ODAD2: variants seen among roughly 807,000 people sequenced by gnomAD.
ODAD2 encodes outer dynein arm docking complex subunit 2.
Under a neutral mutation model 106.8 loss-of-function variants are expected in ODAD2, and 89 were observed. The observed-to-expected ratio is 0.83, with a 90% confidence interval of 0.70 to 0.99. The LOEUF (loss-of-function observed/expected upper bound fraction) is 0.99, where lower values mean the gene tolerates loss of function less well. Among genes scored for constraint, ODAD2 ranks in the 50% least tolerant of loss-of-function variants. The pLI is 0.00. For missense variants in ODAD2, 1,168 were observed against 1,238.5 expected (o/e 0.94, Z 0.85); for synonymous variants, 404 against 436.2 (o/e 0.93, Z 0.92).
intron 17 of ODAD2, among the ~76,000 whole-genome samples, chr10:27,874,749 T>G (rs541316098): frequency 6.6e-6 from 1 of 152,336 alleles, no homozygotes; most frequent in East Asian, 1.9e-4. Flanking sequence ...GGCTTCCCTT[T>G]GTGTGTAACC....
chr10:27,967,357 T>C (rs553352046), intron 9 of ODAD2, among the ~76,000 whole-genome samples: 2 of 152,128 alleles, frequency 1.3e-5, no homozygotes, highest in South Asian at 4.2e-4. Flanking sequence ...GTGATATCAG[T>C]AGAGCCCACT....
At chr10:27,972,956 C>A (rs1848953232) in intron 7 of ODAD2, among the ~76,000 whole-genome samples, 1 of 151,966 alleles carries the variant, frequency 6.6e-6, no homozygotes, top group Non-Finnish European at 1.5e-5. Flanking sequence ...AATACAGTCT[C>A]CTCAAATGTA....
At chr10:27,915,399 C>G (rs1027314327) in intron 16 of ODAD2, among the ~76,000 whole-genome samples, 1 of 152,038 alleles carries the variant, frequency 6.6e-6, no homozygotes, top group African/African-American at 2.4e-5. Flanking sequence ...ATATTTTCAC[C>G]TTAACTTCAC....
chr10:27,907,938 G>T (rs1157007740), intron 16 of ODAD2, among the ~76,000 whole-genome samples, 161 bp from the exon 17 acceptor site: 1 of 149,554 alleles, frequency 6.7e-6, no homozygotes, highest in Non-Finnish European at 1.5e-5. Flanking sequence ...ATAACATGCT[G>T]TTGAATTGTC....
intron 19 of ODAD2, among the ~76,000 whole-genome samples, chr10:27,814,470 G>T (rs139336212): frequency 6.6e-6 from 1 of 152,326 alleles, no homozygotes; most frequent in East Asian, 1.9e-4. Flanking sequence ...TGCCCTCTCA[G>T]TTCCTTGGCC....
At chr10:27,936,571 T>A (rs143031478) in intron 15 of ODAD2, among the ~76,000 whole-genome samples, 155 bp downstream of exon 15, 33 of 152,356 alleles carry the variant, frequency 2.2e-4, no homozygotes, top group African/African-American at 6.7e-4. Flanking sequence ...TCTTTTCTTT[T>A]CTATTCTAAG....
intron 14 of ODAD2, among the ~76,000 whole-genome samples, chr10:27,937,794 G>A (rs989446702): frequency 1.3e-5 from 2 of 152,052 alleles, no homozygotes; most frequent in Non-Finnish European, 2.9e-5. Context: ...TTTCAATTCT[G>A]GATTACAGGC....
At chr10:27,910,536 G>A (rs1190269746) in intron 16 of ODAD2, among the ~76,000 whole-genome samples, 5 of 151,948 alleles carry the variant, frequency 3.3e-5, no homozygotes, top group Non-Finnish European at 7.4e-5. Flanking sequence ...TGGGTGGATC[G>A]CATGAGCTCA....
intron 19 of ODAD2, among the ~76,000 whole-genome samples, chr10:27,842,298 G>A (rs1480151850): frequency 2.0e-5 from 3 of 152,100 alleles, no homozygotes; most frequent in Admixed American, 6.5e-5. Context: ...GTGAATAGAA[G>A]GACAGGTCCT....
At chr10:27,866,506 T>G (rs921942131) in intron 17 of ODAD2, among the ~76,000 whole-genome samples, 3 of 152,172 alleles carry the variant, frequency 2.0e-5, no homozygotes, top group African/African-American at 7.2e-5. Context: ...TTGGTCCAAT[T>G]GTGTTACTAT....
At chr10:27,820,777 C>CTTTTTTTTTTTTTTTT (rs72095120) in intron 19 of ODAD2, among the ~76,000 whole-genome samples, 35 of 105,542 alleles carry the variant, frequency 3.3e-4, no homozygotes, top group African/African-American at 1.2e-3. Flanking sequence ...AGCCCAGCAA[C>CTTTTTTTTTTTTTTTT]TTTTTTTTTT....
chr10:27,860,642 C>G lies in ODAD2; in HGVS notation c.3004G>C (p.Glu1002Gln). ...AACTGTACCTTTACTGCACCATTCT[C>G]ATGCATGGTGATGCAGTTATCGGCG... ...EDADNCITMH[E>Q]NGAVKLLLDM... The change falls in exon 19 of 20, where the codon GAG (glutamate) becomes CAG (glutamine). Residue 1002 changes from glutamate (E) to glutamine (Q), a missense_variant. By Grantham distance (29) the Glu-to-Gln change is conservative. Transcript: ENST00000305242. 1 of 1,613,742 alleles carries G rather than the reference C, an allele frequency of 6.2e-7. No individual in the cohort carries two copies. The highest frequency in any genetic ancestry group is 8.5e-7 in the Non-Finnish European group (1 of 1,179,742).
intron 16 of ODAD2, among the ~76,000 whole-genome samples, chr10:27,931,285 A>G (rs1845600588): frequency 6.6e-6 from 1 of 152,100 alleles, no homozygotes; most frequent in South Asian, 2.1e-4. Flanking sequence ...TACATTTTAA[A>G]ATTTGGAGTT....
chr10:27,819,410 C>T (rs1169886282), intron 19 of ODAD2, among the ~76,000 whole-genome samples: 1 of 151,958 alleles, frequency 6.6e-6, no homozygotes, highest in Non-Finnish European at 1.5e-5. Flanking sequence ...CTTAATAGTG[C>T]ATGATTGTAC....
intron 16 of ODAD2, among the ~76,000 whole-genome samples, chr10:27,912,109 A>C (rs1316163932): frequency 2.0e-5 from 3 of 152,192 alleles, no homozygotes; most frequent in African/African-American, 7.2e-5. Context: ...CTTTCTGCAT[A>C]CACACTGATG....
intron 16 of ODAD2, among the ~76,000 whole-genome samples, chr10:27,922,761 C>T (rs1157851484): frequency 6.6e-6 from 1 of 152,012 alleles, no homozygotes; most frequent in African/African-American, 2.4e-5. Flanking sequence ...CAAAAATTAG[C>T]TAGGCATAGT....
chr10:27,995,901 A>G (rs994412012), intron 1 of ODAD2, among the ~76,000 whole-genome samples: 3 of 152,192 alleles, frequency 2.0e-5, no homozygotes, highest in African/African-American at 7.2e-5. Flanking sequence ...CCTTCTTAAG[A>G]GTTAATGTGA....
At chr10:27,871,336 C>G (rs893026939) in intron 17 of ODAD2, among the ~76,000 whole-genome samples, 4 of 152,128 alleles carry the variant, frequency 2.6e-5, no homozygotes, top group Non-Finnish European at 5.9e-5. Context: ...GTTTCTTTTG[C>G]CGTGCAGAAG....
intron 2 of ODAD2, among the ~76,000 whole-genome samples, chr10:27,990,368 G>T (rs1398962699): frequency 1.3e-5 from 2 of 152,132 alleles, no homozygotes; most frequent in Non-Finnish European, 2.9e-5. Context: ...TAGAGACAGG[G>T]TCTTGCTATG....
Sources: allele counts gnomAD v4.1 joint callset (sites outside exome capture counted in the v4.1 genomes callset), GRCh38; gene constraint gnomAD v4.1.1; transcripts MANE v1.5; gene names NCBI Gene and HGNC (gene_info 2026-07-23, HGNC 2026-07-21).